RBPJ: variants seen among roughly 807,000 people sequenced by gnomAD.
RBPJ encodes recombining binding protein suppressor of hairless.
A neutral mutation model predicts 67.8 loss-of-function variants in RBPJ; 9 were observed. The ratio of observed to expected loss-of-function variants is 0.13; its 90% confidence interval spans 0.08 to 0.23. The LOEUF (loss-of-function observed/expected upper bound fraction) is 0.23. Among genes scored for constraint, RBPJ ranks in the 10% least tolerant of loss-of-function variants. The probability of loss-of-function intolerance (pLI) is 1.00; values close to 1 mark genes in which losing one functional copy is unlikely to be tolerated. For synonymous variants in RBPJ, 198 were observed against 203.3 expected (o/e 0.97, Z 0.22); for missense variants, 305 against 595.6 (o/e 0.51, Z 5.08).
the RBPJ span, among the ~76,000 whole-genome samples, chr4:26,117,429 C>A: frequency 6.6e-6 from 1 of 152,158 alleles, no homozygotes. Flanking sequence ...AGACCCTCCA[C>A]ATGTCATATT....
At chr4:26,253,648 G>A (rs1175686861) in intron 1 of RBPJ, among the ~76,000 whole-genome samples, 1 of 140,582 alleles carries the variant, frequency 7.1e-6, no homozygotes, top group South Asian at 2.1e-4. Flanking sequence ...TTTTTAGAGA[G>A]TATATTTTGC....
chr4:26,109,733 A>C, the RBPJ span, among the ~76,000 whole-genome samples: 799 of 138,610 alleles, frequency 5.8e-3, 43 homozygotes, highest in African/African-American at 0.011. Flanking sequence ...CTCTCTCTAT[A>C]TATATATATA....
intron 1 of RBPJ, among the ~76,000 whole-genome samples, chr4:26,333,573 G>C (rs76042794): frequency 6.6e-6 from 1 of 150,668 alleles, no homozygotes; most frequent in African/African-American, 2.4e-5. Flanking sequence ...TTTTTTTTTT[G>C]AGATGGACGT....
intron 2 of RBPJ, among the ~76,000 whole-genome samples, chr4:26,404,679 C>A (rs1157560821): frequency 6.6e-6 from 1 of 152,164 alleles, no homozygotes; most frequent in Non-Finnish European, 1.5e-5. Context: ...GTGCTTAGTT[C>A]AAGGCCTGGC....
chr4:26,113,998 G>A, the RBPJ span, among the ~76,000 whole-genome samples: 6 of 152,288 alleles, frequency 3.9e-5, no homozygotes, highest in South Asian at 1.0e-3. Flanking sequence ...TTGTACTGAG[G>A]GGAATTCTAA....
Position 26,245,468 on chromosome 4 carries a change from A to G in RBPJ, c.-167+81854A>G, listed in dbSNP as rs533456195. 5.0e-4 allele frequency among the ~76,000 whole-genome samples: 76 copies of G among 152,236 alleles called. No individual in the cohort carries two copies. The South Asian group carries it at 0.015, about 29-fold the overall frequency. On this transcript the variant is annotated intron_variant, in intron 1 of 4. Coordinates refer to the RBPJ transcript ENST00000512351. ...GTGGTCCACCTGCCTCAGACTCCCAAAGTGCTGGGATTACAGGCGTGAGAC... is the reference window on the plus strand; with the variant it reads ...GTGGTCCACCTGCCTCAGACTCCCAGAGTGCTGGGATTACAGGCGTGAGAC...
intron 1 of RBPJ, among the ~76,000 whole-genome samples, chr4:26,273,671 G>A (rs889264821): frequency 6.6e-6 from 1 of 152,212 alleles, no homozygotes; most frequent in Non-Finnish European, 1.5e-5. Flanking sequence ...TAGCAGCGGG[G>A]CCTGGGAGCT....
intron 1 of RBPJ, among the ~76,000 whole-genome samples, chr4:26,273,202 A>G (rs1720969231): frequency 6.6e-6 from 1 of 152,162 alleles, no homozygotes. Context: ...CAGTTAAGGC[A>G]CATTTCCTGA....
At chr4:26,319,017 A>G (rs1444673155), upstream of RBPJ, among the ~76,000 whole-genome samples, 2 of 151,572 alleles carry the variant, frequency 1.3e-5, no homozygotes, top group African/African-American at 2.4e-5. Flanking sequence ...AAAAAAAAAA[A>G]AAAAGAAACC....
At chr4:26,204,240 G>A (rs1718090497) in intron 1 of RBPJ, among the ~76,000 whole-genome samples, 2 of 152,306 alleles carry the variant, frequency 1.3e-5, no homozygotes, top group Non-Finnish European at 2.9e-5. Context: ...GAGCCACCAT[G>A]CCTGGCTGAA....
chr4:26,311,770 C>A (rs904167950), intron 1 of RBPJ, among the ~76,000 whole-genome samples: 1 of 152,088 alleles, frequency 6.6e-6, no homozygotes, highest in Non-Finnish European at 1.5e-5. Context: ...AGTTCTATAT[C>A]AAAGAATGAT....
Position 26,210,690 on chromosome 4 carries a change from T to C in RBPJ, c.-167+47076T>C, listed in dbSNP as rs28535470. ...TCTTTCTTTCTTTCTTTCTTTCCTT[T>C]CTTTCTTTCTTTCTTTCCTTCTTTC... On this transcript the variant is annotated intron_variant, in intron 1 of 4. Coordinates refer to the RBPJ transcript ENST00000512351. Among the ~76,000 whole-genome samples, 131 of 71,212 alleles carry C rather than the reference T, an allele frequency of 1.8e-3. 5 individuals are homozygous for C. Among genetic ancestry groups the C allele is most frequent in the African/African-American group, 6.8e-3 (124 of 18,234 alleles). The allele number at this position is 71,212 out of a possible 152,430, so 46.7% of individuals were successfully genotyped here.
chr4:26,347,313 G>A (rs1726269376), intron 1 of RBPJ, among the ~76,000 whole-genome samples: 3 of 152,138 alleles, frequency 2.0e-5, no homozygotes, highest in South Asian at 4.1e-4. Flanking sequence ...CTTGGGAGTG[G>A]GCAATATCTC....
At chr4:26,297,767 T>C (rs950437088) in intron 1 of RBPJ, among the ~76,000 whole-genome samples, 6 of 151,930 alleles carry the variant, frequency 3.9e-5, no homozygotes, top group African/African-American at 1.4e-4. Flanking sequence ...CATTTTGTCC[T>C]AAAATCTCTG....
intron 1 of RBPJ, among the ~76,000 whole-genome samples, chr4:26,200,221 C>G (rs1479423413): frequency 6.6e-6 from 1 of 152,164 alleles, no homozygotes; most frequent in Admixed American, 6.5e-5. Context: ...AGTTATGACA[C>G]AAAACTTTAA....
At chr4:26,145,082 G>C in the RBPJ span, among the ~76,000 whole-genome samples, 10 of 142,244 alleles carry the variant, frequency 7.0e-5, no homozygotes, top group Non-Finnish European at 1.4e-4. Flanking sequence ...ACATTTTTCT[G>C]AGTTTCATTT....
chr4:26,362,649 A>G (rs368891163), intron 1 of RBPJ: 3 of 1,601,184 alleles, frequency 1.9e-6, no homozygotes, highest in Admixed American at 1.7e-5. Flanking sequence ...GAAATCTCCC[A>G]GTGACCCCAA....
intron 1 of RBPJ, among the ~76,000 whole-genome samples, chr4:26,326,606 T>G (rs1394907600): frequency 1.3e-5 from 2 of 152,224 alleles, no homozygotes; most frequent in Non-Finnish European, 2.9e-5. Flanking sequence ...ATAATTTCTT[T>G]AAGCTTCAGG....
intron 1 of RBPJ, among the ~76,000 whole-genome samples, chr4:26,297,339 T>TGC (rs1269805071): frequency 1.4e-5 from 2 of 138,186 alleles, no homozygotes; most frequent in Non-Finnish European, 3.2e-5. Flanking sequence ...TCACTTTGTG[T>TGC]GTGTGTGTGT....
Sources: gnomAD v4.1 joint callset for allele counts (sites outside exome capture counted in the v4.1 genomes callset) on GRCh38, gnomAD v4.1.1 for gene constraint, MANE v1.5 for transcripts, NCBI Gene and HGNC (gene_info 2026-07-23, HGNC 2026-07-21) for gene names.